The following CCDC57 variants were observed in gnomAD, a reference collection of about 807,000 sequenced individuals.
CCDC57 encodes coiled-coil domain-containing protein 57.
Under a neutral mutation model 118.9 loss-of-function variants are expected in CCDC57, and 118 were observed. The ratio of observed to expected loss-of-function variants is 0.99; its 90% CI spans 0.86 to 1.16. CCDC57 has a LOEUF of 1.16. CCDC57 is among the 50% of genes most tolerant of loss of function. The pLI, the probability that CCDC57 is intolerant of heterozygous loss-of-function variation, is 0.00. For missense variants in CCDC57, 1,300 were observed against 1,320.7 expected (o/e 0.98, Z 0.24); for synonymous variants, 527 against 532.9 (o/e 0.99, Z 0.15).
chr17:82,160,799 G>A (rs1438405523), intron 14 of CCDC57, among the ~76,000 whole-genome samples: 3 of 147,064 alleles, frequency 2.0e-5, no homozygotes, highest in African/African-American at 7.5e-5. Context: ...CCTTGAACCC[G>A]GGAGGCGGAG....
chr17:82,208,843 A>T (rs1314100264), intron 1 of CCDC57, among the ~76,000 whole-genome samples: 1 of 152,158 alleles, frequency 6.6e-6, no homozygotes, highest in Non-Finnish European at 1.5e-5. Flanking sequence ...GAGTGCTGCT[A>T]AGCCCTCTGG....
rs149985845 is a variant in CCDC57, at chr17:82,125,038, C to T, written c.2899+2654G>A. On this transcript the variant is annotated intron_variant, in intron 19 of 19. Transcript: ENST00000665763. ...AGTGCAGGTGGGAGGGTCAGGAAGA[C>T]GGAGTGGGACGCGGCTGCGTGGAAG... Among the ~76,000 whole-genome samples, 182 of 152,232 alleles carry T rather than the reference C, an allele frequency of 1.2e-3. 1 individual carries two copies. The highest frequency in any genetic ancestry group is 3.8e-3 in the African/African-American group (157 of 41,544).
intron 19 of CCDC57, among the ~76,000 whole-genome samples, chr17:82,107,183 C>T (rs2034914042): frequency 6.6e-6 from 1 of 152,258 alleles, no homozygotes; most frequent in Admixed American, 6.5e-5. Flanking sequence ...TCTCCCCACT[C>T]CCTCTTCTCC....
intron 8 of CCDC57, among the ~76,000 whole-genome samples, chr17:82,187,406 C>T (rs1053283045): frequency 7.5e-5 from 11 of 146,680 alleles, no homozygotes; most frequent in African/African-American, 2.8e-4. Flanking sequence ...ACTTTGAGGA[C>T]ATTATGCCAA....
At chr17:82,194,278 G>T in intron 5 of CCDC57, 139 bp from the exon 5 acceptor site, 2 of 844,856 alleles carry the variant, frequency 2.4e-6, no homozygotes, top group Non-Finnish European at 3.6e-6. Flanking sequence ...CAGTGAGAAT[G>T]TCCTAACACA....
At chr17:82,205,096 A>T (rs1157206588) in intron 2 of CCDC57, among the ~76,000 whole-genome samples, 2 of 68,138 alleles carry the variant, frequency 2.9e-5, no homozygotes, top group African/African-American at 1.4e-4. Flanking sequence ...GAGGACATGC[A>T]CACACCTGTG....
At chr17:82,158,643 G>A (rs532600165) in intron 14 of CCDC57, among the ~76,000 whole-genome samples, 14 of 147,800 alleles carry the variant, frequency 9.5e-5, no homozygotes, top group African/African-American at 2.0e-4. Context: ...AGCCAAGATC[G>A]CGCCAGTGTA....
At chr17:82,157,415 G>A in intron 15 of CCDC57, 1 of 1,285,842 alleles carries the variant, frequency 7.8e-7, no homozygotes, top group South Asian at 2.0e-5. Context: ...TCAAGGCCCT[G>A]CATTAAAGCA....
chr17:82,198,709 G>A lies in CCDC57; in HGVS notation c.408-287C>T, dbSNP rs145292307. Among the ~76,000 whole-genome samples the A allele has an allele frequency of 5.2e-3, 797 of 152,074 alleles. 4 individuals carry two copies. Among genetic ancestry groups the A allele is most frequent in the African/African-American group, 0.019 (781 of 41,492 alleles). On this transcript the variant is annotated intron_variant, in intron 3 of 19. Transcript: ENST00000665763. ...TGACAACCAAAAACCGGAAAGATCT[G>A]ACCAGGCCCAGTGGCTCACGCCTGT...
intron 16 of CCDC57, among the ~76,000 whole-genome samples, chr17:82,141,690 A>G (rs2040028984): frequency 6.6e-6 from 1 of 152,080 alleles, no homozygotes; most frequent in African/African-American, 2.4e-5. Context: ...CCGCCTGATG[A>G]TTGGGTTTTC....
chr17:82,126,268 A>C, intron 19 of CCDC57: 1 of 560,692 alleles, frequency 1.8e-6, no homozygotes, highest in Non-Finnish European at 2.2e-6. Context: ...CAACAAGAGC[A>C]AAACTCCATC....
At chr17:82,195,058 G>A (rs114811465) in intron 5 of CCDC57, among the ~76,000 whole-genome samples, 127 of 152,356 alleles carry the variant, frequency 8.3e-4, no homozygotes, top group African/African-American at 2.8e-3. Context: ...ACTGGCACCC[G>A]GTGCCCACCT....
chr17:82,104,740 C>T (rs1204383919), intron 19 of CCDC57: 1 of 152,200 alleles, frequency 6.6e-6, no homozygotes, highest in African/African-American at 2.4e-5. Context: ...GGGGTTTCAC[C>T]ATGTTAACCA....
At chr17:82,105,545 G>C (rs756860663) in intron 19 of CCDC57, among the ~76,000 whole-genome samples, 9 of 151,986 alleles carry the variant, frequency 5.9e-5, no homozygotes, top group African/African-American at 1.9e-4. Flanking sequence ...CACAGGCCAC[G>C]CCCACCCGTG....
intron 2 of CCDC57, among the ~76,000 whole-genome samples, chr17:82,203,986 G>A (rs1219985829): frequency 2.0e-5 from 3 of 152,280 alleles, no homozygotes; most frequent in Middle Eastern, 3.4e-3. Flanking sequence ...CGGCTGTGAC[G>A]AAGCACAAGG....
At chr17:82,171,987 C>CGGTGAAGCTGTAGTGTG in intron 12 of CCDC57, 134 bp from the exon 12 acceptor site, 1 of 888,978 alleles carries the variant, frequency 1.1e-6, no homozygotes, top group Non-Finnish European at 1.8e-6. Flanking sequence ...CCTCACACTA[C>CGGTGAAGCTGTAGTGTG]AGCTTCACCG....
chr17:82,153,605 A>T (rs988259694), intron 15 of CCDC57: 1 of 152,238 alleles, frequency 6.6e-6, no homozygotes, highest in Non-Finnish European at 1.5e-5. Context: ...TCTCGGATTC[A>T]GTTTCTGGTA....
intron 11 of CCDC57, among the ~76,000 whole-genome samples, chr17:82,173,546 C>T (rs1254609749): frequency 1.3e-5 from 2 of 152,142 alleles, no homozygotes; most frequent in Non-Finnish European, 2.9e-5. Flanking sequence ...AGACATGTTA[C>T]AAATGTGCTG....
chr17:82,138,885 G>A (rs1005952825), intron 16 of CCDC57, among the ~76,000 whole-genome samples: 7 of 152,190 alleles, frequency 4.6e-5, no homozygotes, highest in Non-Finnish European at 1.0e-4. Context: ...CATAAACCCC[G>A]TCACTGCCGT....
Sources: gnomAD v4.1 joint callset for allele counts (sites outside exome capture counted in the v4.1 genomes callset) on GRCh38, gnomAD v4.1.1 for gene constraint, MANE v1.5 for transcripts, NCBI Gene and HGNC (gene_info 2026-07-23, HGNC 2026-07-21) for gene names.